Variants in CPNE2 observed in about 807,000 individuals in gnomAD.
CPNE2 encodes copine-2.
In CPNE2, 42 loss-of-function variants were observed where a neutral mutation model predicts 69.7. That is an observed-to-expected ratio of 0.60 (90% CI 0.47 to 0.78). The LOEUF (loss-of-function observed/expected upper bound fraction) is 0.78. Ranked by LOEUF, CPNE2 falls within the 30% of genes least tolerant of loss-of-function variation. CPNE2 has a pLI of 0.00. For synonymous variants in CPNE2, 294 were observed against 289.8 expected (o/e 1.01, Z -0.15); for missense variants, 587 against 732.0 (o/e 0.80, Z 2.29).
At chr16:57,123,813 CT>C in intron 10 of CPNE2, 1 of 386,978 alleles carries the variant, frequency 2.6e-6, no homozygotes, top group Non-Finnish European at 4.8e-6. Flanking sequence ...CTCCTTCCTC[CT>C]TGCTCACTGG....
At chr16:57,131,827 A>G (rs564428468) in intron 12 of CPNE2, among the ~76,000 whole-genome samples, 16 of 151,620 alleles carry the variant, frequency 1.1e-4, no homozygotes, top group East Asian at 3.9e-4. Flanking sequence ...CATGGCCTTC[A>G]CTCAGCCCGC....
At position 57,125,117 on chromosome 16, in the gene CPNE2, T is replaced by C. The variant is rs1283485826; in HGVS notation, c.928-743T>C. 1.5e-5 allele frequency: 5 copies of C among 337,584 alleles called. No individual in the cohort carries two copies. In the East Asian group the frequency reaches 3.8e-4, roughly 26 times the overall value. The allele number at this position is 337,584 out of a possible 1,614,324, so 20.9% of individuals were successfully genotyped here. On this transcript the variant is annotated intron_variant, in intron 10 of 15. Transcript: ENST00000290776. ...CGGGGTCCTACTTCTAACCCTCCCC[T>C]GCTGGGCAGGGGTTGTTCTTGCCTA...
chr16:57,103,576 G>T (rs2069629225), intron 1 of CPNE2, among the ~76,000 whole-genome samples: 8 of 152,162 alleles, frequency 5.3e-5, no homozygotes, highest in Non-Finnish European at 1.5e-5. Flanking sequence ...GCCACCTCAG[G>T]CCTGCCCTTC....
chr16:57,126,329 G>T (rs1208318373), intron 11 of CPNE2, among the ~76,000 whole-genome samples: 1 of 151,212 alleles, frequency 6.6e-6, no homozygotes, highest in African/African-American at 2.5e-5. Context: ...TGGGGTGGGA[G>T]TGGAAAATTT....
chr16:57,131,908 C>T (rs941893448), intron 12 of CPNE2, among the ~76,000 whole-genome samples: 2 of 152,260 alleles, frequency 1.3e-5, no homozygotes, highest in Admixed American at 1.3e-4. Context: ...CCTCTGGGAG[C>T]CATGCTCACA....
intron 14 of CPNE2, chr16:57,141,708 G>C (rs576708518): frequency 6.6e-6 from 1 of 152,254 alleles, no homozygotes; most frequent in East Asian, 1.9e-4. Flanking sequence ...TAAACTCTGT[G>C]AACTTGTTTC....
intron 1 of CPNE2, among the ~76,000 whole-genome samples, chr16:57,102,288 G>A (rs1306122089): frequency 1.3e-5 from 2 of 152,126 alleles, no homozygotes; most frequent in African/African-American, 4.8e-5. Flanking sequence ...AGATGCGTAG[G>A]TGACCCATCT....
intron 1 of CPNE2, among the ~76,000 whole-genome samples, chr16:57,095,074 G>T (rs1248725957): frequency 1.3e-5 from 2 of 152,176 alleles, no homozygotes; most frequent in African/African-American, 4.8e-5. Context: ...TGGCACTGGG[G>T]CTACCGAATC....
chr16:57,121,861 A>G lies in CPNE2; in HGVS notation c.867+101A>G, dbSNP rs1029676209. On this transcript the variant is annotated intron_variant, in intron 9 of 15. Coordinates refer to ENST00000290776, the MANE Select transcript of CPNE2 (RefSeq NM_152727.6). ...CTGGAGCCAGCGAGGCCTGTGTTCAAATCCCGGCTCTGCCACATCCTGGCC... is the reference window on the plus strand; with the variant it reads ...CTGGAGCCAGCGAGGCCTGTGTTCAGATCCCGGCTCTGCCACATCCTGGCC... 8.0e-6 allele frequency: 9 copies of G among 1,127,192 alleles called. No individual in the cohort carries two copies. In the Admixed American group the frequency reaches 1.2e-4, roughly 15 times the overall value. The allele number at this position is 1,127,192 out of a possible 1,614,324, so 69.8% of individuals were successfully genotyped here.
chr16:57,096,417 C>T (rs909915923), intron 1 of CPNE2, among the ~76,000 whole-genome samples: 1 of 152,116 alleles, frequency 6.6e-6, no homozygotes, highest in East Asian at 1.9e-4. Flanking sequence ...GAGAGCCGGG[C>T]GTGGTGGCTC....
At chr16:57,097,411 G>C (rs1308194679) in intron 1 of CPNE2, among the ~76,000 whole-genome samples, 1 of 152,192 alleles carries the variant, frequency 6.6e-6, no homozygotes, top group Non-Finnish European at 1.5e-5. Context: ...GCTGCATGGT[G>C]AGGGAAGCTC....
Position 57,146,240 on chromosome 16 carries a change from C to T in CPNE2, c.1458C>T (p.Asp486=). The T allele has an allele frequency of 6.4e-7, 1 of 1,560,462 alleles. No individual in the cohort carries two copies. The highest frequency in any genetic ancestry group is 8.7e-7 in the Non-Finnish European group (1 of 1,151,460). Residue 486 remains aspartate (D), a synonymous_variant, in exon 15 of 16, where the codon GAC becomes GAT. Coordinates refer to ENST00000290776, the MANE Select transcript of CPNE2 (RefSeq NM_152727.6). The surrounding 1 kb of genome is among the most constrained non-coding windows in gnomAD (Gnocchi z 4.4). ...DFAAMEFLDG[D]SRMLRSHTGE... is the part of the protein sequence containing the mutation. ...CTGCCATGGAGTTCCTGGATGGGGA[C>T]AGCCGCATGCTGCGCTCCCACACGG... is the stretch of plus-strand genomic sequence containing the variant.
At chr16:57,110,224 CTT>C (rs145923720) in intron 1 of CPNE2, among the ~76,000 whole-genome samples, 85,727 of 118,846 alleles carry the variant, frequency 0.72, 31,041 homozygotes, top group Admixed American at 0.82. Flanking sequence ...CTTTTCTTTT[CTT>C]TTTTTTTTTT....
intron 10 of CPNE2, 130 bp downstream of exon 10, chr16:57,123,603 T>C: frequency 1.0e-6 from 1 of 987,334 alleles, no homozygotes; most frequent in Non-Finnish European, 1.5e-6. Flanking sequence ...GGGCAAAGAG[T>C]GTGTGCGGCC....
intron 4 of CPNE2, 70 bp downstream of exon 4, chr16:57,115,620 G>T: frequency 1.0e-6 from 1 of 954,696 alleles, no homozygotes; most frequent in South Asian, 1.6e-5. Context: ...TCAATGGGCC[G>T]CTTCCCTGGC....
rs1319048045 is a variant in CPNE2, at chr16:57,107,607, G to A, written c.-35-3101G>A. Among the ~76,000 whole-genome samples, 3 of 152,208 alleles carry A rather than the reference G, an allele frequency of 2.0e-5. No homozygotes were observed. The East Asian group carries it at 5.8e-4, about 29-fold the overall frequency. On this transcript the variant is annotated intron_variant, in intron 1 of 15. Transcript: ENST00000290776. ...CCTTCCTGCCTGGAGGACAGCAGCT[G>A]CCTCCTCACTGGTCTCTCTGCTACT...
At chr16:57,137,121 G>A (rs754603588) in intron 13 of CPNE2, 28 bp from the exon 14 acceptor site, 2 of 1,610,904 alleles carry the variant, frequency 1.2e-6, no homozygotes, top group South Asian at 1.1e-5. Context: ...GGGAGACCTG[G>A]CTGATCCAGA....
At chr16:57,118,647 T>TGG (rs2069737731) in intron 5 of CPNE2, among the ~76,000 whole-genome samples, 2 of 134,310 alleles carry the variant, frequency 1.5e-5, no homozygotes, top group Non-Finnish European at 3.2e-5. Flanking sequence ...TGAGACCCCA[T>TGG]AGATGGATGG....
chr16:57,109,314 A>G (rs1479386329), intron 1 of CPNE2, among the ~76,000 whole-genome samples: 1 of 151,456 alleles, frequency 6.6e-6, no homozygotes, highest in East Asian at 2.0e-4. Context: ...CGTCTCTACT[A>G]AAAATACAAA....
Sources: gnomAD v4.1 joint callset for allele counts (sites outside exome capture counted in the v4.1 genomes callset) on GRCh38, gnomAD v4.1.1 for gene constraint, Gnocchi (gnomAD v3.1) non-coding constraint, MANE v1.5 for transcripts, NCBI Gene and HGNC (gene_info 2026-07-23, HGNC 2026-07-21) for gene names.